SF3B3: variants seen among roughly 807,000 people sequenced by gnomAD.
SF3B3 encodes SAP 130.
Under a neutral mutation model 139.2 loss-of-function variants are expected in SF3B3, and 33 were observed. The ratio of observed to expected loss-of-function variants is 0.24; its 90% CI spans 0.18 to 0.32. The LOEUF is 0.32. Among genes scored for constraint, SF3B3 ranks in the 10% least tolerant of loss-of-function variants. The pLI is 1.00. For synonymous variants in SF3B3, 596 were observed against 563.6 expected, an observed-to-expected ratio of 1.06 and a Z score of -0.81; for missense variants, 818 against 1,509.4, an observed-to-expected ratio of 0.54 and a Z score of 7.59.
chr16:70,568,934 G>C (rs1378542891), intron 22 of SF3B3, 109 bp from the exon 23 acceptor site: 2 of 703,592 alleles, frequency 2.8e-6, no homozygotes, highest in Non-Finnish European at 4.9e-6. Flanking sequence ...CCTCTGTCTA[G>C]GCAGTGCCCC....
chr16:70,533,354 A>G (rs2050138919), intron 5 of SF3B3, among the ~76,000 whole-genome samples: 1 of 152,150 alleles, frequency 6.6e-6, no homozygotes, highest in Admixed American at 6.5e-5. Context: ...AAAAAAAAGT[A>G]AAACAGATTT....
chr16:70,542,330 T>C (rs1423538237), intron 9 of SF3B3, among the ~76,000 whole-genome samples: 3 of 152,278 alleles, frequency 2.0e-5, no homozygotes, highest in Admixed American at 6.5e-5. Flanking sequence ...TATTTAATTT[T>C]ACCACAGTTC....
intron 10 of SF3B3, among the ~76,000 whole-genome samples, chr16:70,545,550 C>G (rs554055219): frequency 6.6e-6 from 1 of 152,270 alleles, no homozygotes; most frequent in African/African-American, 2.4e-5. Context: ...GGGCCCTGAA[C>G]TTGAACTTGT....
intron 13 of SF3B3, among the ~76,000 whole-genome samples, chr16:70,555,537 TC>T (rs1449345767): frequency 1.3e-5 from 2 of 149,940 alleles, no homozygotes; most frequent in African/African-American, 4.9e-5. Context: ...ACCAGTTTGG[TC>T]CCTTACAGAG....
chr16:70,568,202 G>A, intron 21 of SF3B3, 81 bp from the exon 22 acceptor site: 1 of 1,068,606 alleles, frequency 9.4e-7, no homozygotes, highest in Non-Finnish European at 1.5e-6. Flanking sequence ...CCCTACGTAT[G>A]TCATACGGAA....
chr16:70,563,231 A>G (rs1003034155), intron 17 of SF3B3, among the ~76,000 whole-genome samples: 1 of 152,162 alleles, frequency 6.6e-6, no homozygotes, highest in African/African-American at 2.4e-5. Context: ...TGGCCTCCCA[A>G]AGTGCTGAGA....
chr16:70,554,938 CAA>C (rs1255100063), intron 12 of SF3B3, 111 bp from the exon 13 acceptor site: 3 of 1,002,388 alleles, frequency 3.0e-6, no homozygotes, highest in Non-Finnish European at 2.9e-6. Flanking sequence ...ACTGGTGCCT[CAA>C]ATGCAGTGGC....
chr16:70,556,582 TAAC>T lies in SF3B3; in HGVS notation c.1866+252_1866+254del, dbSNP rs537746452. ...TAAGCCTCAACTCCTTTTTTTAAGT[TAAC>T]AACCAAGACTGCATAAATTTGACTT... On this transcript the variant is annotated intron_variant, in intron 14 of 25. Coordinates refer to ENST00000302516, the MANE Select transcript of SF3B3 (RefSeq NM_012426.5). 6.5e-5 allele frequency: 39 copies of T among 603,918 alleles called. 1 individual carries two copies. In the South Asian group the frequency reaches 7.0e-4, roughly 11 times the overall value. The allele number at this position is 603,918 out of a possible 1,614,324, so 37.4% of individuals were successfully genotyped here. A position where few individuals can be genotyped will look rare whatever the true frequency, so the allele number is the denominator to read the frequency against.
At chr16:70,552,668 C>G (rs1169899320) in intron 11 of SF3B3, among the ~76,000 whole-genome samples, 1 of 152,180 alleles carries the variant, frequency 6.6e-6, no homozygotes, top group African/African-American at 2.4e-5. Flanking sequence ...CCTGGTCTAA[C>G]CATTAGAGCA....
At chr16:70,524,639 G>A (rs956858584) in intron 1 of SF3B3, 2 of 151,952 alleles carry the variant, frequency 1.3e-5, no homozygotes, top group African/African-American at 4.8e-5. Context: ...TCAGCCTCCC[G>A]AGTAGACTAG....
At chr16:70,543,526 G>A (rs1359713186) in intron 9 of SF3B3, among the ~76,000 whole-genome samples, 14 of 151,698 alleles carry the variant, frequency 9.2e-5, no homozygotes, top group Admixed American at 9.2e-4. Flanking sequence ...TGGCCAACAC[G>A]GTGAAACCCC....
intron 3 of SF3B3, 191 bp downstream of exon 3, chr16:70,529,390 C>T: frequency 1.7e-6 from 1 of 585,964 alleles, no homozygotes; most frequent in Non-Finnish European, 3.0e-6. Context: ...AAAATCTTAA[C>T]ACACCTTTCT....
Position 70,573,481 on chromosome 16 carries a change from CACCA to C in SF3B3, c.*1669_*1672del, listed in dbSNP as rs2050548559. On this transcript the variant is annotated 3_prime_UTR_variant, in exon 26 of 26. Transcript: ENST00000302516. ...CCTAATCTATGGAATCAGGAGTTGT[CACCA>C]CCGAGCTTCCTCTGGAAGTCTGCCC... The C allele has an allele frequency of 6.6e-6, 1 of 152,172 alleles. No homozygotes were observed. Among genetic ancestry groups the C allele is most frequent in the African/African-American group, 2.4e-5 (1 of 41,438 alleles). 9.4% of individuals were successfully genotyped at this position (152,172 alleles called of 1,614,324 possible).
chr16:70,541,597 A>G (rs919975430), intron 8 of SF3B3, 72 bp from the exon 9 acceptor site: 1 of 1,238,570 alleles, frequency 8.1e-7, no homozygotes, highest in South Asian at 1.3e-5. Context: ...CTTGTGCTTT[A>G]TGTTGATGCC....
chr16:70,566,787 G>A (rs1043706683), intron 20 of SF3B3, among the ~76,000 whole-genome samples: 1 of 152,036 alleles, frequency 6.6e-6, no homozygotes, highest in Non-Finnish European at 1.5e-5. Flanking sequence ...AGTGGCTCAC[G>A]CTTGTAATCC....
At chr16:70,568,959 A>G (rs981994464) in intron 22 of SF3B3, 84 bp from the exon 23 acceptor site, 10 of 958,514 alleles carry the variant, frequency 1.0e-5, no homozygotes, top group Non-Finnish European at 9.4e-6. Flanking sequence ...GCTGACTTGC[A>G]AAGACCTGGC....
Position 70,529,018 on chromosome 16 carries a change from T to C in SF3B3, c.216T>C (p.Gly72=). The C allele has an allele frequency of 6.2e-7, 1 of 1,614,180 alleles. No individual in the cohort carries two copies. The highest frequency in any genetic ancestry group is 1.3e-5 in the African/African-American group (1 of 75,040). The part of the protein sequence containing the change: ...IRSLMAFRLT[G]GTKDYIVVGS... ...CACTCATGGCCTTTAGGCTGACAGG[T>C]GGCACCAAAGACTACATTGTAGTTG... Residue 72 remains glycine (G), a synonymous_variant, in exon 3 of 26, where the codon GGT becomes GGC. Coordinates refer to ENST00000302516, the MANE Select transcript of SF3B3 (RefSeq NM_012426.5).
At chr16:70,540,634 G>C in intron 8 of SF3B3, among the ~76,000 whole-genome samples, 1 of 151,984 alleles carries the variant, frequency 6.6e-6, no homozygotes, top group African/African-American at 2.4e-5. Context: ...GTCTCCCAAT[G>C]TGCTGAGATT....
rs201059810 is a variant in SF3B3, at chr16:70,544,494, A to T, written c.1290A>T (p.Gly430=). 6.2e-7 allele frequency: 1 copy of T among 1,612,354 alleles called. No homozygotes were observed. The highest frequency in any genetic ancestry group is 1.3e-5 in the African/African-American group (1 of 74,974). Residue 430 remains glycine, a synonymous_variant, in exon 10 of 26, where the codon GGA becomes GGT. Transcript: ENST00000302516. ...TPQLYVACGR[G]PRSSLRVLRH... ...AGTTGTATGTGGCCTGTGGTAGGGG[A>T]CCCCGATCATCTCTGAGAGTCCTAA...
Sources: allele counts gnomAD v4.1 joint callset (sites outside exome capture counted in the v4.1 genomes callset), GRCh38; gene constraint gnomAD v4.1.1; transcripts MANE v1.5; gene names NCBI Gene and HGNC (gene_info 2026-07-23, HGNC 2026-07-21).